The following RNF157 variants were observed in gnomAD, a reference collection of about 807,000 sequenced individuals.
RNF157 encodes the protein ring finger protein 157.
RNF157 carries 55 observed loss-of-function variants against 88.3 expected under a neutral mutation model. That is an observed-to-expected ratio of 0.62 (90% CI 0.50 to 0.78). RNF157 has a LOEUF of 0.78. RNF157 is among the 30% of genes least tolerant of loss of function. The pLI is 0.00. For synonymous variants in RNF157, 334 were observed against 341.2 expected (o/e 0.98, Z 0.23); for missense variants, 788 against 860.8 (o/e 0.92, Z 1.06).
chr17:76,168,419 G>A (rs937546200), intron 3 of RNF157, among the ~76,000 whole-genome samples: 1 of 149,154 alleles, frequency 6.7e-6, no homozygotes, highest in Admixed American at 6.6e-5. Context: ...TTTTCTTAGT[G>A]CTCATCCTAT....
intron 1 of RNF157, among the ~76,000 whole-genome samples, chr17:76,219,951 G>C (rs2069952721): frequency 2.6e-5 from 4 of 151,946 alleles, no homozygotes; most frequent in Admixed American, 2.6e-4. Flanking sequence ...AAAAGCCAAG[G>C]TTAAACAAAA....
chr17:76,152,611 G>T, intron 17 of RNF157, 146 bp from the exon 18 acceptor site: 1 of 610,364 alleles, frequency 1.6e-6, no homozygotes, highest in Non-Finnish European at 2.9e-6. Context: ...ATAAAGAGTG[G>T]ACAAGAAAGG....
intron 2 of RNF157, among the ~76,000 whole-genome samples, chr17:76,210,414 C>T (rs1252115455): frequency 2.6e-5 from 4 of 151,330 alleles, no homozygotes; most frequent in East Asian, 3.9e-4. Flanking sequence ...CACAGTGAAA[C>T]CCCGTCTCTA....
Position 76,157,202 on chromosome 17 carries a change from G to A in RNF157, c.1414-881C>T, listed in dbSNP as rs376297487. ...AGGATGGTCTCGATCTCCTGACCTCGTGATCCGCCCGCCTCGGCCTCCCAA... is the reference window on the plus strand; with the variant it reads ...AGGATGGTCTCGATCTCCTGACCTCATGATCCGCCCGCCTCGGCCTCCCAA... On this transcript the variant is annotated intron_variant, in intron 13 of 18. Transcript: ENST00000269391. The surrounding 1 kb of genome is among the most constrained non-coding windows in gnomAD (Gnocchi z 5.6). Among the ~76,000 whole-genome samples, 52 of 152,286 alleles carry A rather than the reference G, an allele frequency of 3.4e-4. No individual in the cohort carries two copies. The highest frequency in any genetic ancestry group is 3.1e-3 in the East Asian group (16 of 5,172).
chr17:76,226,649 T>C, intron 1 of RNF157: 4 of 1,612,690 alleles, frequency 2.5e-6, no homozygotes, highest in South Asian at 2.2e-5. Context: ...CGCCTTAGCC[T>C]TGTCGCTGGA....
At chr17:76,147,300 G>A (rs751184233) in intron 18 of RNF157, 54 of 985,380 alleles carry the variant, frequency 5.5e-5, no homozygotes, top group Admixed American at 1.2e-4. Flanking sequence ...GCAGGACTCC[G>A]GAGCTGCGGC....
chr17:76,220,870 A>C (rs1242116110), intron 1 of RNF157, among the ~76,000 whole-genome samples: 1 of 151,938 alleles, frequency 6.6e-6, no homozygotes, highest in Non-Finnish European at 1.5e-5. Flanking sequence ...AAACAGGAGA[A>C]TCACTTGAAC....
In RNF157 at chr17:76,146,711, T is replaced by C. The variant is rs1251607790; in HGVS notation, c.1922-1358A>G. 1 of 985,358 alleles carries C rather than the reference T, an allele frequency of 1.0e-6. No individual in the cohort carries two copies. Among genetic ancestry groups the C allele is most frequent in the Non-Finnish European group, 1.2e-6 (1 of 829,940 alleles). 61.0% of individuals were successfully genotyped at this position (985,358 alleles called of 1,614,324 possible). On this transcript the variant is annotated intron_variant, in intron 18 of 18. Coordinates refer to ENST00000269391, the MANE Select transcript of RNF157 (RefSeq NM_052916.3). This position sits in a 1 kb window ranked among gnomAD's most constrained non-coding sequence, Gnocchi z 4.2. ...AGAAACCGCTAGGTCCTGGAGCTCC[T>C]CCATGGGACAAAGCTCCTCCTGGGC...
Position 76,208,634 on chromosome 17 carries a change from A to C in RNF157, c.207+3730T>G, listed in dbSNP as rs570071035. On this transcript the variant is annotated intron_variant, in intron 2 of 18. Coordinates refer to ENST00000269391, the MANE Select transcript of RNF157 (RefSeq NM_052916.3). Reference sequence around the variant, plus strand: ...CTCTATACTACATTTTTATGCAGCTATATGAAGTTACTCTGATTTGCTTTC... The same window carrying C: ...CTCTATACTACATTTTTATGCAGCTCTATGAAGTTACTCTGATTTGCTTTC... 2.6e-5 allele frequency among the ~76,000 whole-genome samples: 4 copies of C among 152,340 alleles called. No individual in the cohort carries two copies. In the South Asian group the frequency reaches 8.3e-4, roughly 32 times the overall value.
chr17:76,205,279 T>C (rs1008324176), intron 2 of RNF157, among the ~76,000 whole-genome samples: 5 of 151,690 alleles, frequency 3.3e-5, no homozygotes, highest in Non-Finnish European at 7.4e-5. Context: ...GCTAGGAATA[T>C]AGGTGTGTAC....
Position 76,145,351 on chromosome 17 carries a change from C to A in RNF157, c.1924G>T (p.Ala642Ser). ...ACGGCATTGTCATCAGCCTGCCAGGCACCTGGGGAAGAGAAAATGAACATT... is the reference window on the plus strand; with the variant it reads ...ACGGCATTGTCATCAGCCTGCCAGGAACCTGGGGAAGAGAAAATGAACATT... ...KLCSEVCLPG[A>S]WQADDNAVSR... Residue 642 changes from alanine to serine, a missense_variant and splice_region_variant, in exon 19 of 19, where the codon GCC (alanine) becomes TCC (serine). Physicochemically the swap from Ala to Ser is moderately conservative, Grantham distance 99. Coordinates refer to ENST00000269391, the MANE Select transcript of RNF157 (RefSeq NM_052916.3). The A allele has an allele frequency of 6.2e-7, 1 of 1,611,062 alleles. No homozygotes were observed. The highest frequency in any genetic ancestry group is 8.5e-7 in the Non-Finnish European group (1 of 1,178,206).
At chr17:76,152,667 T>G in intron 17 of RNF157, 2 of 521,004 alleles carry the variant, frequency 3.8e-6, no homozygotes, top group Non-Finnish European at 6.9e-6. Flanking sequence ...TTTCCTGCTG[T>G]TTCCCTAGAG....
intron 2 of RNF157, among the ~76,000 whole-genome samples, chr17:76,181,609 T>C (rs573961491): frequency 2.0e-5 from 3 of 152,082 alleles, no homozygotes; most frequent in Non-Finnish European, 4.4e-5. Flanking sequence ...ACTTCTTCAC[T>C]AAATTGTTTT....
chr17:76,172,651 A>AAT (rs142019894), intron 3 of RNF157, among the ~76,000 whole-genome samples: 1,559 of 144,012 alleles, frequency 0.011, 25 homozygotes, highest in African/African-American at 0.032. Context: ...CTCTGTCTCA[A>AAT]ATATATATAT....
chr17:76,146,557 C>T lies in RNF157; in HGVS notation c.1922-1204G>A. ...GGGAAGGCATGTCGTCCTCCGGACC[C>T]TGTGGGCCTCCCCAGCCGTGTCTCC... On this transcript the variant is annotated intron_variant, in intron 18 of 18. Transcript: ENST00000269391. The surrounding 1 kb of genome is among the most constrained non-coding windows in gnomAD (Gnocchi z 4.2). 1.0e-6 allele frequency: 1 copy of T among 985,460 alleles called. No individual in the cohort carries two copies. The highest frequency in any genetic ancestry group is 1.7e-5 in the African/African-American group (1 of 57,368). 61.0% of individuals were successfully genotyped at this position (985,460 alleles called of 1,614,324 possible). A position where few individuals can be genotyped will look rare whatever the true frequency, so the allele number is the denominator to read the frequency against.
chr17:76,179,212 T>C (rs893843406), intron 2 of RNF157, among the ~76,000 whole-genome samples: 5 of 151,278 alleles, frequency 3.3e-5, no homozygotes, highest in Non-Finnish European at 5.9e-5. Flanking sequence ...CTGGGCAACA[T>C]GGCGAGACTT....
chr17:76,185,887 G>C (rs1385719625), intron 2 of RNF157, among the ~76,000 whole-genome samples: 1 of 152,196 alleles, frequency 6.6e-6, no homozygotes, highest in Non-Finnish European at 1.5e-5. Flanking sequence ...AGCAGGTTTT[G>C]AGATGCCTTG....
intron 2 of RNF157, chr17:76,212,092 A>T: frequency 3.7e-6 from 1 of 267,222 alleles, no homozygotes; most frequent in East Asian, 6.6e-5. Context: ...CCCTTGGAAA[A>T]GGGTTGCCTA....
intron 3 of RNF157, among the ~76,000 whole-genome samples, chr17:76,168,453 G>C (rs552072454): frequency 6.9e-6 from 1 of 145,218 alleles, no homozygotes. Flanking sequence ...TTCCAGTTGC[G>C]TAGTTTCCTA....
Sources: gnomAD v4.1 joint callset for allele counts (sites outside exome capture counted in the v4.1 genomes callset) on GRCh38, gnomAD v4.1.1 for gene constraint, Gnocchi (gnomAD v3.1) non-coding constraint, MANE v1.5 for transcripts, NCBI Gene and HGNC (gene_info 2026-07-23, HGNC 2026-07-21) for gene names.